ASPM: variants seen among roughly 807,000 people sequenced by gnomAD.
ASPM encodes the protein abnormal spindle-like microcephaly-associated protein.
Under a neutral mutation model 366.4 loss-of-function variants are expected in ASPM, and 256 were observed. That is an observed-to-expected ratio of 0.70 (90% CI 0.63 to 0.77). ASPM has a LOEUF of 0.77. ASPM is among the 30% of genes least tolerant of loss of function. The pLI is 0.00. For synonymous variants in ASPM, 1,414 were observed against 1,342.9 expected (o/e 1.05, Z -1.16); for missense variants, 4,146 against 4,090.4 (o/e 1.01, Z -0.37).
In ASPM at chr1:197,142,213, T is replaced by C. The variant is rs947692984; in HGVS notation, c.1921+118A>G. On this transcript the variant is annotated intron_variant, in intron 3 of 27. Transcript: ENST00000367409. ...GCTGTATTCACATTTGCTAAGGAAA[T>C]GTACCCAGCAAATAAGTAAAAACTA... The C allele has an allele frequency of 1.2e-5, 13 of 1,115,832 alleles. No individual in the cohort carries two copies. In the East Asian group the frequency reaches 2.8e-4, roughly 24 times the overall value. The allele number at this position is 1,115,832 out of a possible 1,614,324, so 69.1% of individuals were successfully genotyped here. A position where few individuals can be genotyped will look rare whatever the true frequency, so the allele number is the denominator to read the frequency against.
At position 197,143,221 on chromosome 1, in the gene ASPM, A is replaced by G. The variant is rs1658655887; in HGVS notation, c.1031T>C (p.Met344Thr). Residue 344 changes from methionine (M) to threonine (T), a missense_variant, in exon 3 of 28, where the codon ATG (methionine) becomes ACG (threonine). Met to Thr is a moderately conservative substitution (Grantham distance 81, BLOSUM62 -1). This residue lies in a region of ASPM where 512 missense variants were observed against 471.7 expected (regional missense o/e 1.09). Transcript: ENST00000367409. ...LVTCLSSDMFMKDNSQPVHLE... is the reference protein window; with the variant it reads ...LVTCLSSDMFTKDNSQPVHLE... ...ATGCACAGGCTGTGAATTATCTTTCATAAACATATCTGATGAAAGACATGT... is the reference window on the plus strand; with the variant it reads ...ATGCACAGGCTGTGAATTATCTTTCGTAAACATATCTGATGAAAGACATGT... 6.2e-7 allele frequency: 1 copy of G among 1,613,460 alleles called. No homozygotes were observed. The highest frequency in any genetic ancestry group is 1.1e-5 in the South Asian group (1 of 91,040).
chr1:197,097,571 C>T (rs1657018511), intron 18 of ASPM, among the ~76,000 whole-genome samples: 1 of 151,620 alleles, frequency 6.6e-6, no homozygotes, highest in African/African-American at 2.4e-5. Flanking sequence ...TATATATGGC[C>T]AAAATTACTC....
At position 197,102,850 on chromosome 1, in the gene ASPM, A is replaced by T. The variant is rs746475302; in HGVS notation, c.6401T>A (p.Ile2134Lys). Residue 2134 changes from isoleucine (I) to lysine (K), a missense_variant, in exon 18 of 28, where the codon ATA (isoleucine) becomes AAA (lysine). Physicochemically the swap from Ile to Lys is moderately radical, Grantham distance 102. Coordinates refer to ENST00000367409, the MANE Select transcript of ASPM (RefSeq NM_018136.5). ...TGCTTTTCTCATTGTATGGTAACTT[A>T]TTCTTGACTGATGCATTTTAAACAT... ...KAMFKMHQSR[I>K]SYHTMRKAAI... 6.2e-7 allele frequency: 1 copy of T among 1,612,516 alleles called. No homozygotes were observed. Among genetic ancestry groups the T allele is most frequent in the Admixed American group, 1.7e-5 (1 of 59,870 alleles).
At chr1:197,116,399 A>C (rs1306189669) in intron 17 of ASPM, among the ~76,000 whole-genome samples, 1 of 152,206 alleles carries the variant, frequency 6.6e-6, no homozygotes, top group Non-Finnish European at 1.5e-5. Context: ...CTAATGAAAA[A>C]GTTTGAAATA....
Position 197,143,658 on chromosome 1 carries a change from C to A in ASPM, c.594G>T (p.Leu198Phe). The A allele has an allele frequency of 6.2e-7, 1 of 1,613,612 alleles. No individual in the cohort carries two copies. Among genetic ancestry groups the A allele is most frequent in the South Asian group, 1.1e-5 (1 of 91,072 alleles). Residue 198 changes from leucine to phenylalanine, a missense_variant, in exon 3 of 28, where the codon TTG becomes TTT. This residue lies in a region of ASPM where 512 missense variants were observed against 471.7 expected (regional missense o/e 1.09). Coordinates refer to ENST00000367409, the MANE Select transcript of ASPM (RefSeq NM_018136.5). ...VRSPLQACEN[L>F]AMNEGGPPTE... The stretch of plus-strand genomic sequence containing the variant: ...TTGGGGGACCGCCTTCATTCATAGC[C>A]AAGTTTTCACAAGCTTGTAGTGGGC...
intron 4 of ASPM, chr1:197,139,319 G>T (rs149419769): frequency 5.3e-6 from 4 of 748,102 alleles, no homozygotes; most frequent in African/African-American, 3.6e-5. Context: ...GTTTTTGGCC[G>T]GGCGCGGTGG....
chr1:197,139,264 T>C, intron 4 of ASPM: 1 of 937,854 alleles, frequency 1.1e-6, no homozygotes, highest in Non-Finnish European at 1.7e-6. Flanking sequence ...TTACCAACTT[T>C]CACTTCATCC....
chr1:197,119,350 T>C (rs928350184), intron 16 of ASPM, among the ~76,000 whole-genome samples: 15 of 152,224 alleles, frequency 9.9e-5, no homozygotes, highest in African/African-American at 3.4e-4. Flanking sequence ...AATAAATAAA[T>C]ACACAAATAA....
Position 197,103,140 on chromosome 1 carries a change from T to C in ASPM, c.6111A>G (p.Arg2037=). 3.1e-6 allele frequency: 5 copies of C among 1,612,878 alleles called. No homozygotes were observed. The highest frequency in any genetic ancestry group is 4.2e-6 in the Non-Finnish European group (5 of 1,179,358). ...LQSAYRGMKV[R]KRIKDCNKAA... is the part of the protein sequence containing the mutation. ...CTTTGTTGCAATCCTTTATTCTTTTTCTCACTTTCATACCACGATAAGCTG... is the reference window on the plus strand; with the variant it reads ...CTTTGTTGCAATCCTTTATTCTTTTCCTCACTTTCATACCACGATAAGCTG... Residue 2037 remains arginine, a synonymous_variant, in exon 18 of 28, where the codon AGA becomes AGG. Coordinates refer to ENST00000367409, the MANE Select transcript of ASPM (RefSeq NM_018136.5).
intron 3 of ASPM, 96 bp downstream of exon 3, chr1:197,142,235 A>G: frequency 5.3e-6 from 7 of 1,321,370 alleles, no homozygotes; most frequent in Non-Finnish European, 7.5e-6. Flanking sequence ...ATAAGTAAAA[A>G]CTATAATACA....
intron 17 of ASPM, among the ~76,000 whole-genome samples, chr1:197,106,609 A>G (rs1657418941): frequency 6.6e-6 from 1 of 152,016 alleles, no homozygotes; most frequent in African/African-American, 2.4e-5. Flanking sequence ...ATCAATGTTG[A>G]TATATAACAT....
Position 197,090,991 on chromosome 1 carries a change from A to T in ASPM, c.9495T>A (p.His3165Gln). 6.2e-7 allele frequency: 1 copy of T among 1,612,584 alleles called. No individual in the cohort carries two copies. The change falls in exon 23 of 28, where the codon CAT (histidine) becomes CAA (glutamine). Residue 3165 changes from histidine (H) to glutamine (Q), a missense_variant. Transcript: ENST00000367409. Reference sequence around the variant, plus strand: ...CTTCATGCTCAATCTTTTTGATGCTATGATATTTCTGAATAAATCTCTTTT... The same window carrying T: ...CTTCATGCTCAATCTTTTTGATGCTTTGATATTTCTGAATAAATCTCTTTT... ...LQEKRFIQKYHSIKKIEHEGQ... is the reference protein window; with the variant it reads ...LQEKRFIQKYQSIKKIEHEGQ...
At chr1:197,140,988 G>A (rs1203753478) in intron 3 of ASPM, among the ~76,000 whole-genome samples, 1 of 152,160 alleles carries the variant, frequency 6.6e-6, no homozygotes, top group Non-Finnish European at 1.5e-5. Context: ...ACAAATTGCA[G>A]TAGCAAATAA....
At chr1:197,123,447 T>C (rs979728477) in intron 13 of ASPM, among the ~76,000 whole-genome samples, 2 of 152,144 alleles carry the variant, frequency 1.3e-5, no homozygotes, top group African/African-American at 4.8e-5. Context: ...AAATTCCAAA[T>C]ATGGAATTAA....
At position 197,129,950 on chromosome 1, in the gene ASPM, T is replaced by C. The variant is rs749120285; in HGVS notation, c.2594A>G (p.Tyr865Cys). The change falls in exon 8 of 28, where the codon TAT becomes TGT. Residue 865 changes from tyrosine to cysteine, a missense_variant. Physicochemically the swap from Tyr to Cys is radical, Grantham distance 194. This residue lies in a region of ASPM where 3,624 missense variants were observed against 3,591.7 expected (regional missense o/e 1.01). Coordinates refer to ENST00000367409, the MANE Select transcript of ASPM (RefSeq NM_018136.5). ...LLWNPDIAAE[Y>C]RHPTVPHLYR... ...CAGGTGAGGAACAGTGGGGTGTCTA[T>C]ACTCAGCTGCTATATCAGGATTCCA... The C allele has an allele frequency of 6.2e-7, 1 of 1,614,028 alleles. No homozygotes were observed. The highest frequency in any genetic ancestry group is 8.5e-7 in the Non-Finnish European group (1 of 1,179,930).
chr1:197,102,897 C>T lies in ASPM; in HGVS notation c.6354G>A (p.Arg2118=). The T allele has an allele frequency of 6.2e-7, 1 of 1,612,544 alleles. No homozygotes were observed. The highest frequency in any genetic ancestry group is 2.2e-5 in the East Asian group (1 of 44,816). The part of the protein sequence containing the change: ...RVRRHIQHMH[R]AATFIKAMFK... The stretch of plus-strand genomic sequence containing the variant: ...ACATGGCTTTAATAAAAGTGGCTGC[C>T]CTGTGCATGTGTTGAATATGTCTTC... Residue 2118 remains arginine (R), a synonymous_variant, in exon 18 of 28, where the codon AGG becomes AGA. Transcript: ENST00000367409.
Position 197,122,147 on chromosome 1 carries a change from T to C in ASPM, c.3741+12A>G. 1 of 1,603,728 alleles carries C rather than the reference T, an allele frequency of 6.2e-7. No homozygotes were observed. The highest frequency in any genetic ancestry group is 8.5e-7 in the Non-Finnish European group (1 of 1,171,220). Reference sequence around the variant, plus strand: ...TATTGAATTAATAATTAGAAACTCTTCTTTTACTTACCTTTTCATCTGGAA... The same window carrying C: ...TATTGAATTAATAATTAGAAACTCTCCTTTTACTTACCTTTTCATCTGGAA... On this transcript the variant is annotated intron_variant, in intron 15 of 27. Coordinates refer to ENST00000367409, the MANE Select transcript of ASPM (RefSeq NM_018136.5).
intron 16 of ASPM, among the ~76,000 whole-genome samples, chr1:197,119,463 T>C (rs951653399): frequency 2.6e-5 from 4 of 152,162 alleles, no homozygotes; most frequent in Admixed American, 1.3e-4. Flanking sequence ...TTGTAACTTA[T>C]CTCAGTTTTT....
chr1:197,139,948 A>C, intron 3 of ASPM, 77 bp from the exon 4 acceptor site: 1 of 1,019,042 alleles, frequency 9.8e-7, no homozygotes, highest in Non-Finnish European at 1.5e-6. Context: ...TGAAAGTTAA[A>C]GTTTGGGTTC....
Sources: gnomAD v4.1 joint callset for allele counts (sites outside exome capture counted in the v4.1 genomes callset) on GRCh38, gnomAD v4.1.1 for gene constraint, gnomAD v4.1.1 regional missense constraint, MANE v1.5 for transcripts, NCBI Gene and HGNC (gene_info 2026-07-23, HGNC 2026-07-21) for gene names.